POLI: variants seen among roughly 807,000 people sequenced by gnomAD.
POLI encodes the protein RAD30 homolog B.
In POLI, 58 loss-of-function variants were observed where a neutral mutation model predicts 51.6. The ratio of observed to expected loss-of-function variants is 1.12; its 90% CI spans 0.91 to 1.40. POLI has a LOEUF of 1.40. Ranked by LOEUF, POLI falls within the 40% of genes most tolerant of loss-of-function variation. POLI has a pLI of 0.00. For synonymous variants in POLI, 322 were observed against 299.7 expected, an observed-to-expected ratio of 1.07 and a Z score of -0.77; for missense variants, 921 against 871.3, an observed-to-expected ratio of 1.06 and a Z score of -0.72.
At chr18:54,271,267 T>A (rs2086991233) in intron 1 of POLI, 93 bp from the exon 2 acceptor site, 1 of 1,104,568 alleles carries the variant, frequency 9.1e-7, no homozygotes, top group Admixed American at 2.4e-5. Flanking sequence ...CTCTGCATTC[T>A]TCCTTCACAG....
At chr18:54,315,904 A>C (rs544404392) in intron 3 of POLI, among the ~76,000 whole-genome samples, 1 of 151,144 alleles carries the variant, frequency 6.6e-6, no homozygotes, top group Admixed American at 6.6e-5. Flanking sequence ...TTTTTTATCC[A>C]ACTTGACATT....
intron 4 of POLI, among the ~76,000 whole-genome samples, chr18:54,278,128 A>T (rs2087334260): frequency 6.6e-6 from 1 of 152,142 alleles, no homozygotes. Flanking sequence ...TCATCTGTGC[A>T]GAGTTTTCGT....
rs1402813037 is a variant in POLI at position 54,297,515 on chromosome 18, G to A, written c.*3048G>A. The A allele has an allele frequency of 1.0e-6, 1 of 981,024 alleles. No homozygotes were observed. Among genetic ancestry groups the A allele is most frequent in the Non-Finnish European group, 1.2e-6 (1 of 826,260 alleles). The allele number at this position is 981,024 out of a possible 1,614,324, so 60.8% of individuals were successfully genotyped here. On this transcript the variant is annotated 3_prime_UTR_variant, in exon 10 of 10. Transcript: ENST00000579534. ...TCTAAAAAGTATCTATTCCACTGTA[G>A]TGCCAAAGTACAAATTTATTTGGAT...
chr18:54,310,846 GC>G (rs780861409), intron 3 of POLI, among the ~76,000 whole-genome samples: 14 of 152,116 alleles, frequency 9.2e-5, no homozygotes, highest in Admixed American at 5.2e-4. Context: ...TAATTGAGAA[GC>G]TGAAGGAGTG....
intron 4 of POLI, among the ~76,000 whole-genome samples, chr18:54,320,703 A>G (rs1016724426): frequency 6.6e-6 from 1 of 152,174 alleles, no homozygotes; most frequent in Non-Finnish European, 1.5e-5. Context: ...CACATTAACT[A>G]TATATTGGTA....
At chr18:54,274,137 A>G (rs2087133983) in intron 3 of POLI, 47 bp downstream of exon 3, 6 of 940,390 alleles carry the variant, frequency 6.4e-6, no homozygotes, top group Non-Finnish European at 8.8e-6. Context: ...TTTATGTAGG[A>G]TGCCTGTTCA....
At position 54,296,163 on chromosome 18, in the gene POLI, T is replaced by C; in HGVS notation, c.*1696T>C. Reference sequence around the variant, plus strand: ...AAAAGGGTATATAACTTTTTGTAAATCATTAAAACATTTTATAGTCCTTGT... The same window carrying C: ...AAAAGGGTATATAACTTTTTGTAAACCATTAAAACATTTTATAGTCCTTGT... On this transcript the variant is annotated 3_prime_UTR_variant, in exon 10 of 10. Transcript: ENST00000579534. The C allele has an allele frequency of 2.0e-6, 2 of 984,522 alleles. No individual in the cohort carries two copies. The highest frequency in any genetic ancestry group is 1.7e-5 in the African/African-American group (1 of 57,338). The allele number at this position is 984,522 out of a possible 1,614,324, so 61.0% of individuals were successfully genotyped here. A position where few individuals can be genotyped will look rare whatever the true frequency, so the allele number is the denominator to read the frequency against.
intron 3 of POLI, among the ~76,000 whole-genome samples, chr18:54,316,480 TGA>T (rs2088735533): frequency 1.3e-5 from 2 of 152,212 alleles, no homozygotes; most frequent in South Asian, 4.1e-4. Context: ...TACAAATTAT[TGA>T]GAGAGTGGAT....
chr18:54,277,977 A>T, intron 4 of POLI, 122 bp downstream of exon 4: 1 of 716,246 alleles, frequency 1.4e-6, no homozygotes, highest in South Asian at 2.1e-5. Context: ...AGTTATATTT[A>T]GTCAGTAATC....
chr18:54,302,206 T>C (rs962804905), downstream of POLI, among the ~76,000 whole-genome samples: 4 of 151,984 alleles, frequency 2.6e-5, no homozygotes, highest in African/African-American at 9.7e-5. Flanking sequence ...AGATTATGAA[T>C]GTCTGTCTGT....
At chr18:54,279,781 A>C (rs978271381) in intron 4 of POLI, among the ~76,000 whole-genome samples, 5 of 152,192 alleles carry the variant, frequency 3.3e-5, no homozygotes, top group African/African-American at 1.2e-4. Context: ...ATTTTCTTAC[A>C]CTTTTCATAA....
rs758640203 is a variant in POLI, at chr18:54,294,258, C to T, written c.2014C>T (p.His672Tyr). 2 of 1,613,676 alleles carry T rather than the reference C, an allele frequency of 1.2e-6. No individual in the cohort carries two copies. The highest frequency in any genetic ancestry group is 1.7e-6 in the Non-Finnish European group (2 of 1,179,718). The change falls in exon 10 of 10, where the codon CAC becomes TAC. Residue 672 changes from histidine to tyrosine, a missense_variant. By Grantham distance (83) the His-to-Tyr change is moderately conservative (BLOSUM62 2). Transcript: ENST00000579534. The part of the protein sequence containing the change: ...LQSEQLFSRN[H>Y]TTDSHKQTVA... ...GAGTGAGCAACTTTTCTCCAGAAAC[C>T]ACACTACAGATAGCCATAAGCAAAC...
intron 4 of POLI, among the ~76,000 whole-genome samples, chr18:54,278,646 G>T (rs2087359335): frequency 6.6e-6 from 1 of 152,222 alleles, no homozygotes; most frequent in Admixed American, 6.5e-5. Flanking sequence ...CAAGAAAGCA[G>T]AATGGTTTGT....
intron 2 of POLI, among the ~76,000 whole-genome samples, chr18:54,272,522 A>C (rs1373464060): frequency 6.6e-6 from 1 of 152,132 alleles, no homozygotes; most frequent in African/African-American, 2.4e-5. Context: ...CCCAAGCTGC[A>C]GTGCAGTGGT....
In POLI at chr18:54,295,591, T is replaced by C; in HGVS notation, c.*1124T>C. 1.3e-6 allele frequency: 1 copy of C among 772,668 alleles called. No individual in the cohort carries two copies. Among genetic ancestry groups the C allele is most frequent in the Non-Finnish European group, 1.6e-6 (1 of 636,504 alleles). The allele number at this position is 772,668 out of a possible 1,614,324, so 47.9% of individuals were successfully genotyped here. A position where few individuals can be genotyped will look rare whatever the true frequency, so the allele number is the denominator to read the frequency against. ...ACACAAATATGAACCAAAGAGTAGC[T>C]TAAAAATACTTTCTTCTAGGTCTGA... On this transcript the variant is annotated 3_prime_UTR_variant, in exon 10 of 10. Coordinates refer to ENST00000579534, the MANE Select transcript of POLI (RefSeq NM_007195.3).
intron 3 of POLI, among the ~76,000 whole-genome samples, chr18:54,307,380 G>C (rs1227736410): frequency 2.0e-5 from 3 of 152,180 alleles, no homozygotes; most frequent in Non-Finnish European, 4.4e-5. Context: ...CAGTTTCCTG[G>C]TAGTTGTGCG....
intron 9 of POLI, 132 bp from the exon 10 acceptor site, chr18:54,293,517 A>C: frequency 1.6e-6 from 1 of 608,590 alleles, no homozygotes; most frequent in Non-Finnish European, 2.8e-6. Context: ...GTTGTTTGGA[A>C]CTGGCCACAA....
At chr18:54,291,293 C>T (rs542517482) in intron 8 of POLI, 1 of 152,330 alleles carries the variant, frequency 6.6e-6, no homozygotes, top group African/African-American at 2.4e-5. Context: ...CCATTCGTTT[C>T]CTATCAAATT....
intron 4 of POLI, chr18:54,320,996 A>T (rs77410728): frequency 1.3e-5 from 2 of 152,174 alleles, no homozygotes; most frequent in East Asian, 3.8e-4. Context: ...CATTATTTAG[A>T]TACTACCAGT....
Sources: allele counts gnomAD v4.1 joint callset (sites outside exome capture counted in the v4.1 genomes callset), GRCh38; gene constraint gnomAD v4.1.1; transcripts MANE v1.5; gene names NCBI Gene and HGNC (gene_info 2026-07-23, HGNC 2026-07-21).